EVPL: variants seen among roughly 807,000 people sequenced by gnomAD.
EVPL encodes envoplakin.
EVPL carries 94 observed loss-of-function variants against 129.7 expected under a neutral mutation model. That is an observed-to-expected ratio of 0.72 (90% CI 0.61 to 0.86). The LOEUF is 0.86. EVPL is among the 40% of genes least tolerant of loss of function. The pLI is 0.00. For synonymous variants in EVPL, 1,172 were observed against 1,191.1 expected (o/e 0.98, Z 0.33); for missense variants, 2,625 against 2,721.1 (o/e 0.96, Z 0.79).
In EVPL at chr17:76,011,762, C is replaced by T. The variant is rs2066378311; in HGVS notation, c.2568+10G>A. ...CAAGGTCCACTGAGCCCCGCAAGGT[C>T]CCATCTCACCTGGGCTTGGATGCTC... On this transcript the variant is annotated intron_variant, in intron 20 of 21. Coordinates refer to ENST00000301607, the MANE Select transcript of EVPL (RefSeq NM_001988.4). 1.2e-6 allele frequency: 2 copies of T among 1,611,248 alleles called. No homozygotes were observed. The highest frequency in any genetic ancestry group is 1.7e-5 in the Admixed American group (1 of 59,700).
chr17:76,019,429 A>G (rs578248286), intron 10 of EVPL, 99 bp downstream of exon 10: 3 of 1,424,778 alleles, frequency 2.1e-6, no homozygotes, highest in Non-Finnish European at 2.8e-6. Flanking sequence ...AGGGCTTGGG[A>G]TAGGACTAGG....
chr17:76,008,048 G>C lies in EVPL; in HGVS notation c.5157C>G (p.Leu1719=). ...TGGTGACCTCCTCCCAGTCACACTC[G>C]AGCTCCTGCAGCTGCAAGTACTGGC... is the stretch of plus-strand genomic sequence containing the variant. ...DRGQYLQLQE[L]ECDWEEVTTS... is the part of the protein sequence containing the mutation. Residue 1719 remains leucine, a synonymous_variant, in exon 22 of 22, where the codon CTC becomes CTG. Coordinates refer to ENST00000301607, the MANE Select transcript of EVPL (RefSeq NM_001988.4). This position sits in a 1 kb window ranked among gnomAD's most constrained non-coding sequence, Gnocchi z 7.4. 1 of 1,614,134 alleles carries C rather than the reference G, an allele frequency of 6.2e-7. No homozygotes were observed. Among genetic ancestry groups the C allele is most frequent in the South Asian group, 1.1e-5 (1 of 91,082 alleles).
chr17:76,017,992 G>A, intron 13 of EVPL, 81 bp from the exon 14 acceptor site: 3 of 1,582,296 alleles, frequency 1.9e-6, no homozygotes, highest in Non-Finnish European at 2.6e-6. Flanking sequence ...GCCCACAGAG[G>A]GTCCTGTCGG....
At position 76,018,567 on chromosome 17, in the gene EVPL, C is replaced by G. The variant is rs1350737783; in HGVS notation, c.1318G>C (p.Val440Leu). The G allele has an allele frequency of 6.2e-7, 1 of 1,608,824 alleles. No individual in the cohort carries two copies. Among genetic ancestry groups the G allele is most frequent in the South Asian group, 1.1e-5 (1 of 90,732 alleles). The change falls in exon 12 of 22, where the codon GTA becomes CTA. Residue 440 changes from valine (V) to leucine (L), a missense_variant. Around this residue, in one of 4 missense-constraint regions of EVPL, gnomAD observed 1,024 missense variants for 997.5 expected, o/e 1.03. Coordinates refer to ENST00000301607, the MANE Select transcript of EVPL (RefSeq NM_001988.4). Reference sequence around the variant, plus strand: ...CAGGCGTGCGGGTCAGTGTTATCTACCAGCTTATACCGCTCACCCTGCAGC... The same window carrying G: ...CAGGCGTGCGGGTCAGTGTTATCTAGCAGCTTATACCGCTCACCCTGCAGC... The part of the protein sequence containing the change: ...QLLQGERYKL[V>L]DNTDPHAWVV...
intron 2 of EVPL, 136 bp downstream of exon 2, chr17:76,023,885 T>G: frequency 4.7e-6 from 6 of 1,268,192 alleles, no homozygotes; most frequent in Non-Finnish European, 6.6e-6. Flanking sequence ...TGTTAGGGGA[T>G]GGGCGGTGCA....
At chr17:76,021,609 C>CCCTG in intron 8 of EVPL, 46 bp from the exon 9 acceptor site, 9 of 1,283,898 alleles carry the variant, frequency 7.0e-6, no homozygotes, top group Non-Finnish European at 7.3e-6. Context: ...CCCCCCACGT[C>CCCTG]CGCCCCACCT....
Position 76,009,722 on chromosome 17 carries a change from C to G in EVPL, c.3483G>C (p.Glu1161Asp), listed in dbSNP as rs2066359155. ...ESSRLRSLLE[E>D]ERTKNATLAR... ...CCAGCGTCGCGTTCTTGGTCCTCTCCTCCTCGAGGAGGCTCCTCAGCCTGG... is the reference window on the plus strand; with the variant it reads ...CCAGCGTCGCGTTCTTGGTCCTCTCGTCCTCGAGGAGGCTCCTCAGCCTGG... Residue 1161 changes from glutamate (E) to aspartate (D), a missense_variant, in exon 22 of 22, where the codon GAG (glutamate) becomes GAC (aspartate). This residue lies in a region of EVPL where 1,453 missense variants were observed against 1,511.8 expected (regional missense o/e 0.96). Coordinates refer to ENST00000301607, the MANE Select transcript of EVPL (RefSeq NM_001988.4). This position sits in a 1 kb window ranked among gnomAD's most constrained non-coding sequence, Gnocchi z 5.9. 2 of 1,613,682 alleles carry G rather than the reference C, an allele frequency of 1.2e-6. No individual in the cohort carries two copies. Among genetic ancestry groups the G allele is most frequent in the Non-Finnish European group, 8.5e-7 (1 of 1,180,020 alleles).
At position 76,010,262 on chromosome 17, in the gene EVPL, C is replaced by T. The variant is rs760860115; in HGVS notation, c.2943G>A (p.Glu981=). The T allele has an allele frequency of 3.1e-6, 5 of 1,613,932 alleles. No individual in the cohort carries two copies. Among genetic ancestry groups the T allele is most frequent in the South Asian group, 1.1e-5 (1 of 91,088 alleles). The change falls in exon 22 of 22, where the codon GAG becomes GAA. Residue 981 remains glutamate (E), a synonymous_variant. Transcript: ENST00000301607. ...SLSRVKAQVE[E]EGKRRAGLQA... ...GCAGGCCAGCCCGCCGCTTGCCCTC[C>T]TCCTCCACCTGGGCCTTCACCCTGG...
chr17:76,012,618 C>T (rs1266903785), intron 18 of EVPL, among the ~76,000 whole-genome samples: 1 of 151,808 alleles, frequency 6.6e-6, no homozygotes, highest in Non-Finnish European at 1.5e-5. Flanking sequence ...GAGTTCCGTT[C>T]TAGCACAGTA....
chr17:76,013,036 G>C lies in EVPL; in HGVS notation c.2374-947C>G, dbSNP rs192615809. ...TGGGATTACAGGCGTGAGCCACCGC[G>C]CCCGGCCTGAGAATTCATATTTCTG... On this transcript the variant is annotated intron_variant, in intron 18 of 21. Coordinates refer to ENST00000301607, the MANE Select transcript of EVPL (RefSeq NM_001988.4). This position sits in a 1 kb window ranked among gnomAD's most constrained non-coding sequence, Gnocchi z 4.3. Among the ~76,000 whole-genome samples the C allele has an allele frequency of 6.6e-4, 101 of 152,274 alleles. No homozygotes were observed. Among genetic ancestry groups the C allele is most frequent in the Non-Finnish European group, 1.1e-3 (75 of 68,018 alleles).
intron 10 of EVPL, among the ~76,000 whole-genome samples, 163 bp from the exon 11 acceptor site, chr17:76,019,223 G>T (rs555224286): frequency 1.3e-5 from 2 of 152,228 alleles, no homozygotes; most frequent in South Asian, 2.1e-4. Flanking sequence ...TAGGATCCTG[G>T]GATCTGCTAG....
rs2066349091 is a variant in EVPL, at chr17:76,008,974, GC to G, written c.4230del (p.Gln1410HisfsTer33). On this transcript the variant is annotated frameshift_variant, in exon 22 of 22. Transcript: ENST00000301607. LOFTEE classifies it low-confidence loss of function (END_TRUNC). This position sits in a 1 kb window ranked among gnomAD's most constrained non-coding sequence, Gnocchi z 7.4. The part of the protein sequence containing the change: ...GRRRQLELEV[Q>X]QLRAGVEEQE... ...TGCTCCTCCACGCCGGCCCGCAGCTGCTGCACCTCAAGCTCTAGCTGGCGCC... is the reference window on the plus strand; with the variant it reads ...TGCTCCTCCACGCCGGCCCGCAGCTGTGCACCTCAAGCTCTAGCTGGCGCC... 1 of 1,611,498 alleles carries G rather than the reference GC, an allele frequency of 6.2e-7. No homozygotes were observed. The highest frequency in any genetic ancestry group is 8.5e-7 in the Non-Finnish European group (1 of 1,179,950).
Position 76,007,387 on chromosome 17 carries a change from G to A in EVPL, c.5818C>T (p.Leu1940=), listed in dbSNP as rs1214667541. The A allele has an allele frequency of 6.2e-7, 1 of 1,600,770 alleles. No homozygotes were observed. The highest frequency in any genetic ancestry group is 1.3e-5 in the African/African-American group (1 of 74,678). ...SVLPHLQVQH[L]TGGLIDPKRT... Reference sequence around the variant, plus strand: ...TTGGGGTCGATGAGCCCCCCGGTCAGGTGCTGCACCTGCAGGTGTGGGAGC... The same window carrying A: ...TTGGGGTCGATGAGCCCCCCGGTCAAGTGCTGCACCTGCAGGTGTGGGAGC... The change falls in exon 22 of 22, where the codon CTG becomes TTG. Residue 1940 remains leucine, a synonymous_variant. Transcript: ENST00000301607. This position sits in a 1 kb window ranked among gnomAD's most constrained non-coding sequence, Gnocchi z 8.8.
At chr17:76,016,057 T>C (rs1035890938) in intron 14 of EVPL, among the ~76,000 whole-genome samples, 3 of 152,114 alleles carry the variant, frequency 2.0e-5, no homozygotes, top group Non-Finnish European at 4.4e-5. Context: ...GGCAGGAGAA[T>C]TGCTTGAACC....
At chr17:76,023,143 T>C (rs2066474151) in intron 4 of EVPL, 149 bp downstream of exon 4, 2 of 1,381,422 alleles carry the variant, frequency 1.4e-6, no homozygotes, top group Non-Finnish European at 2.0e-6. Context: ...AAGTCTTCCC[T>C]GACTGCACTG....
intron 1 of EVPL, among the ~76,000 whole-genome samples, chr17:76,026,273 C>G (rs1176013836): frequency 2.1e-5 from 3 of 144,788 alleles, no homozygotes; most frequent in African/African-American, 7.7e-5. Flanking sequence ...AAGACAGAGT[C>G]TCAGTCTGTC....
chr17:76,021,248 G>T (rs1041331071), intron 9 of EVPL, among the ~76,000 whole-genome samples: 1 of 152,114 alleles, frequency 6.6e-6, no homozygotes, highest in African/African-American at 2.4e-5. Context: ...TAGAGACAGG[G>T]TTTCACCATG....
chr17:76,019,793 C>T, intron 9 of EVPL, 140 bp from the exon 10 acceptor site: 3 of 1,107,714 alleles, frequency 2.7e-6, no homozygotes, highest in Non-Finnish European at 3.7e-6. Flanking sequence ...AAACACAAAC[C>T]AGATAAATGT....
chr17:76,019,031 C>A lies in EVPL; in HGVS notation c.1167G>T (p.Glu389Asp), dbSNP rs1305892684. The part of the protein sequence containing the change: ...EAEEKRLAVT[E>D]RATGDLQRRS... ...GCCGCTGCAGGTCCCCAGTGGCCCT[C>A]TCGGTGACGGCCAGCCGTTTTTCCT... The change falls in exon 11 of 22, where the codon GAG becomes GAT. Residue 389 changes from glutamate to aspartate, a missense_variant. By Grantham distance (45) the Glu-to-Asp change is conservative. Transcript: ENST00000301607. 1 of 1,575,890 alleles carries A rather than the reference C, an allele frequency of 6.3e-7. No homozygotes were observed.
Sources: gnomAD v4.1 joint callset for allele counts (sites outside exome capture counted in the v4.1 genomes callset) on GRCh38, gnomAD v4.1.1 for gene constraint, gnomAD v4.1.1 regional missense constraint, Gnocchi (gnomAD v3.1) non-coding constraint, MANE v1.5 for transcripts, NCBI Gene and HGNC (gene_info 2026-07-23, HGNC 2026-07-21) for gene names.